The following TUBGCP3 variants were observed in gnomAD, a reference collection of about 807,000 sequenced individuals.
TUBGCP3 encodes the protein tubulin gamma complex component 3.
TUBGCP3 carries 50 observed loss-of-function variants against 123.1 expected under a neutral mutation model. The observed-to-expected ratio is 0.41, with a 90% confidence interval of 0.32 to 0.51. TUBGCP3 has a LOEUF of 0.51. TUBGCP3 is among the 20% of genes least tolerant of loss of function. TUBGCP3 has a pLI of 0.36. For missense variants in TUBGCP3, 882 were observed against 1,127.0 expected (o/e 0.78, Z 3.11); for synonymous variants, 405 against 413.9 (o/e 0.98, Z 0.26).
chr13:112,599,567 C>T, the TUBGCP3 span, among the ~76,000 whole-genome samples: 3 of 152,112 alleles, frequency 2.0e-5, no homozygotes, highest in South Asian at 4.1e-4. Flanking sequence ...AGTGCAGTGG[C>T]GTGGTCTCGG....
At chr13:112,548,220 C>T (rs749778249) in intron 8 of TUBGCP3, 44 bp from the exon 9 acceptor site, 2 of 1,466,926 alleles carry the variant, frequency 1.4e-6, no homozygotes, top group East Asian at 2.3e-5. Context: ...ACACTCATTA[C>T]ACATTGACTG....
At chr13:112,542,964 A>AAAG (rs1878650722) in intron 11 of TUBGCP3, among the ~76,000 whole-genome samples, 3 of 152,206 alleles carry the variant, frequency 2.0e-5, no homozygotes, top group African/African-American at 7.2e-5. Context: ...CCTGGGCAAC[A>AAAG]AAGTGAAACC....
chr13:112,516,172 TTTAG>T (rs1408631266), intron 17 of TUBGCP3, among the ~76,000 whole-genome samples: 3 of 152,204 alleles, frequency 2.0e-5, no homozygotes, highest in African/African-American at 7.2e-5. Context: ...TCAAAAACAA[TTTAG>T]TTAAAACACT....
intron 8 of TUBGCP3, among the ~76,000 whole-genome samples, chr13:112,549,672 T>C (rs1228601107): frequency 6.6e-6 from 1 of 152,068 alleles, no homozygotes; most frequent in Non-Finnish European, 1.5e-5. Flanking sequence ...TAGTAAGAAC[T>C]TTTCCACACA....
intron 5 of TUBGCP3, among the ~76,000 whole-genome samples, chr13:112,556,908 T>C (rs889394138): frequency 6.6e-6 from 1 of 152,188 alleles, no homozygotes; most frequent in African/African-American, 2.4e-5. Flanking sequence ...AAATATCACT[T>C]CCTGGGACTA....
At chr13:112,562,086 T>TACCACCAGCCAGGAACCACTAGGGAAC (rs1880555026) in intron 3 of TUBGCP3, among the ~76,000 whole-genome samples, 2 of 127,440 alleles carry the variant, frequency 1.6e-5, no homozygotes, top group African/African-American at 6.4e-5. Context: ...ACTATGGGAA[T>TACCACCAGCCAGGAACCACTAGGGAAC]ACCACCAGCC....
chr13:112,583,179 C>A (rs1882391116), intron 1 of TUBGCP3, among the ~76,000 whole-genome samples: 1 of 152,180 alleles, frequency 6.6e-6, no homozygotes, highest in Admixed American at 6.5e-5. Context: ...AGTATAAGCA[C>A]AACATCCAGC....
chr13:112,577,802 A>AT (rs1232607549), intron 1 of TUBGCP3, among the ~76,000 whole-genome samples: 2 of 152,084 alleles, frequency 1.3e-5, no homozygotes, highest in Non-Finnish European at 2.9e-5. Context: ...ACAAATTCTG[A>AT]TTTTATCAGT....
the TUBGCP3 span, among the ~76,000 whole-genome samples, chr13:112,602,046 T>C: frequency 6.6e-6 from 1 of 152,208 alleles, no homozygotes; most frequent in Non-Finnish European, 1.5e-5. Context: ...CCCCATTTTT[T>C]AGAAGTGGAA....
chr13:112,601,919 C>T, the TUBGCP3 span, among the ~76,000 whole-genome samples: 2 of 152,306 alleles, frequency 1.3e-5, no homozygotes, highest in South Asian at 2.1e-4. Flanking sequence ...TCTGTAGCCC[C>T]GGGATGTCAC....
chr13:112,516,801 C>T (rs971368220), intron 16 of TUBGCP3, among the ~76,000 whole-genome samples: 11 of 152,100 alleles, frequency 7.2e-5, no homozygotes, highest in African/African-American at 2.2e-4. Flanking sequence ...ATTTTCAATC[C>T]ATTTTAGACT....
the TUBGCP3 span, among the ~76,000 whole-genome samples, chr13:112,601,834 G>A: frequency 3.3e-5 from 5 of 152,212 alleles, no homozygotes; most frequent in Non-Finnish European, 7.4e-5. Context: ...CAGAGGGTAG[G>A]AGAACCCAGG....
intron 11 of TUBGCP3, among the ~76,000 whole-genome samples, chr13:112,534,586 G>A (rs1203080397): frequency 1.3e-5 from 2 of 151,520 alleles, no homozygotes; most frequent in Non-Finnish European, 2.9e-5. Flanking sequence ...CTCCTGCAAG[G>A]CCCCATGTGT....
chr13:112,602,980 G>A, the TUBGCP3 span: 1 of 152,212 alleles, frequency 6.6e-6, no homozygotes, highest in South Asian at 2.1e-4. Flanking sequence ...TGCAAAGTCG[G>A]TTTTCTGTTA....
chr13:112,539,182 C>A (rs186247444), intron 11 of TUBGCP3, among the ~76,000 whole-genome samples: 2 of 152,292 alleles, frequency 1.3e-5, no homozygotes, highest in East Asian at 3.9e-4. Context: ...AATCTTCACA[C>A]ATACACAAAA....
At chr13:112,537,167 GACTAA>G (rs1878133908) in intron 11 of TUBGCP3, among the ~76,000 whole-genome samples, 2 of 92,706 alleles carry the variant, frequency 2.2e-5, no homozygotes, top group Non-Finnish European at 4.1e-5. Context: ...AAAAAACCTT[GACTAA>G]TTATCCTGGC....
At chr13:112,575,166 A>G in intron 1 of TUBGCP3, among the ~76,000 whole-genome samples, 1 of 152,218 alleles carries the variant, frequency 6.6e-6, no homozygotes, top group East Asian at 1.9e-4. Context: ...AGCACAGAAG[A>G]GGAAGCTGGA....
intron 11 of TUBGCP3, among the ~76,000 whole-genome samples, chr13:112,544,279 C>A (rs1050997197): frequency 1.3e-5 from 2 of 151,934 alleles, no homozygotes; most frequent in Non-Finnish European, 2.9e-5. Context: ...CAGTGAAACC[C>A]CGTCTCTACT....
chr13:112,502,506 T>G (rs909904298), intron 19 of TUBGCP3, among the ~76,000 whole-genome samples: 1 of 151,624 alleles, frequency 6.6e-6, no homozygotes, highest in African/African-American at 2.4e-5. Flanking sequence ...GTAATAGAGG[T>G]TTCAAGGGCC....
Sources: allele counts gnomAD v4.1 joint callset (sites outside exome capture counted in the v4.1 genomes callset), GRCh38; gene constraint gnomAD v4.1.1; transcripts MANE v1.5; gene names NCBI Gene and HGNC (gene_info 2026-07-23, HGNC 2026-07-21).